The following GOLGA4 variants were observed in gnomAD, a reference collection of about 807,000 sequenced individuals.
GOLGA4 encodes the protein golgin subfamily A member 4.
A neutral mutation model predicts 265.9 loss-of-function variants in GOLGA4; 169 were observed. The observed-to-expected ratio is 0.64, with a 90% CI of 0.56 to 0.72. The LOEUF (loss-of-function observed/expected upper bound fraction) is 0.72, where lower values mean the gene tolerates loss of function less well. GOLGA4 is among the 30% of genes least tolerant of loss of function. The pLI, the probability that GOLGA4 is intolerant of heterozygous loss-of-function variation, is 0.00. For synonymous variants in GOLGA4, 923 were observed against 855.8 expected, an observed-to-expected ratio of 1.08 and a Z score of -1.37; for missense variants, 2,482 against 2,483.4, an observed-to-expected ratio of 1.00 and a Z score of 0.01.
At chr3:37,341,564 C>T (rs1235568811) in intron 20 of GOLGA4, 1 of 152,182 alleles carries the variant, frequency 6.6e-6, no homozygotes, top group African/African-American at 2.4e-5. Flanking sequence ...ATTTCCTATG[C>T]TCACTGCGGA....
intron 2 of GOLGA4, among the ~76,000 whole-genome samples, chr3:37,256,786 A>G (rs1001351187): frequency 6.6e-6 from 1 of 152,128 alleles, no homozygotes; most frequent in Non-Finnish European, 1.5e-5. Context: ...ACTAGGGCAA[A>G]TGAAGCTAAC....
chr3:37,329,559 G>A (rs1200929764), intron 16 of GOLGA4, among the ~76,000 whole-genome samples: 1 of 152,174 alleles, frequency 6.6e-6, no homozygotes, highest in Non-Finnish European at 1.5e-5. Context: ...AGTGTGTGGA[G>A]GTTGATTGGT....
At chr3:37,265,147 G>A (rs796674476) in intron 2 of GOLGA4, among the ~76,000 whole-genome samples, 2 of 150,962 alleles carry the variant, frequency 1.3e-5, no homozygotes, top group Non-Finnish European at 2.9e-5. Flanking sequence ...GTGTGTGTGT[G>A]TATAATTCTA....
intron 2 of GOLGA4, chr3:37,275,574 C>G: frequency 8.5e-7 from 1 of 1,173,130 alleles, no homozygotes; most frequent in East Asian, 2.4e-5. Context: ...GGCCTAGGCC[C>G]GGGCCTGCGG....
At chr3:37,243,725 A>G (rs2096709595) in intron 1 of GOLGA4, 103 bp downstream of exon 1, 4 of 923,146 alleles carry the variant, frequency 4.3e-6, no homozygotes, top group Non-Finnish European at 6.7e-6. Context: ...GTGACCTTTA[A>G]CCCCTAACCC....
At chr3:37,343,509 C>T (rs1430911130) in intron 20 of GOLGA4, among the ~76,000 whole-genome samples, 3 of 151,926 alleles carry the variant, frequency 2.0e-5, no homozygotes, top group Non-Finnish European at 2.9e-5. Context: ...AGCTGCTGCG[C>T]GCGGCCTGGC....
chr3:37,318,212 A>G (rs2096943390), intron 11 of GOLGA4, among the ~76,000 whole-genome samples: 3 of 152,004 alleles, frequency 2.0e-5, no homozygotes, highest in Admixed American at 6.6e-5. Context: ...CTGATATGCC[A>G]TATTATCTTT....
Position 37,289,218 on chromosome 3 carries a change from T to C in GOLGA4, c.526-17T>C, listed in dbSNP as rs774872874. On this transcript the variant is annotated splice_polypyrimidine_tract_variant and intron_variant, in intron 4 of 23. Coordinates refer to ENST00000361924, the MANE Select transcript of GOLGA4 (RefSeq NM_002078.5). ...AGTTAGCTGTTTAACCAGCTTTTTT[T>C]TCTCTCTCAATTAAAGGGTATATTA... The C allele has an allele frequency of 5.3e-5, 79 of 1,502,058 alleles. No homozygotes were observed. The Admixed American group carries it at 1.1e-3, about 21-fold the overall frequency. The allele number at this position is 1,502,058 out of a possible 1,614,324, so 93.0% of individuals were successfully genotyped here.
rs2097087862 is a variant in GOLGA4 at position 37,355,288 on chromosome 3, A to G, written c.6663+101A>G. 4.4e-6 allele frequency: 3 copies of G among 686,558 alleles called. No individual in the cohort carries two copies. In the Admixed American group the frequency reaches 7.0e-5, roughly 16 times the overall value. The allele number at this position is 686,558 out of a possible 1,614,324, so 42.5% of individuals were successfully genotyped here. A position where few individuals can be genotyped will look rare whatever the true frequency, so the allele number is the denominator to read the frequency against. On this transcript the variant is annotated intron_variant, in intron 22 of 23. Transcript: ENST00000361924. ...TTGAGTTGGTAAAATAAATTTTAAG[A>G]TTTCAAATCTTTATTATATCACAGC... is the stretch of plus-strand genomic sequence containing the variant.
Position 37,302,174 on chromosome 3 carries a change from C to T in GOLGA4, c.1087-11C>T, listed in dbSNP as rs2096894696. ...TTATGCAAATGTTTTAGAGTCTTCA[C>T]TTCTATTCAGGGAATGGTAATCGCA... On this transcript the variant is annotated splice_polypyrimidine_tract_variant and intron_variant, in intron 9 of 23. Transcript: ENST00000361924. The T allele has an allele frequency of 6.2e-7, 1 of 1,610,556 alleles. No homozygotes were observed. Among genetic ancestry groups the T allele is most frequent in the Non-Finnish European group, 8.5e-7 (1 of 1,177,200 alleles).
At position 37,326,892 on chromosome 3, in the gene GOLGA4, G is replaced by T. The variant is rs1486359697; in HGVS notation, c.5006G>T (p.Gly1669Val). ...GAGAAAGAAGAACAGTATAAAAAAG[G>T]TACAGAAAGCCATTTGAGTGAGCTA... ...MEEKEEQYKK[G>V]TESHLSELNT... The change falls in exon 14 of 24, where the codon GGT becomes GTT. Residue 1669 changes from glycine (G) to valine (V), a missense_variant. Around this residue, in one of 3 missense-constraint regions of GOLGA4, gnomAD observed 942 missense variants for 983.1 expected, o/e 0.96. Coordinates refer to ENST00000361924, the MANE Select transcript of GOLGA4 (RefSeq NM_002078.5). 6.2e-7 allele frequency: 1 copy of T among 1,613,584 alleles called. No individual in the cohort carries two copies. Among genetic ancestry groups the T allele is most frequent in the African/African-American group, 1.3e-5 (1 of 74,904 alleles).
chr3:37,281,019 A>T (rs903974546), intron 2 of GOLGA4, among the ~76,000 whole-genome samples: 2 of 152,116 alleles, frequency 1.3e-5, no homozygotes, highest in Non-Finnish European at 2.9e-5. Flanking sequence ...TCCCTGGAGT[A>T]TTTCACTCCT....
chr3:37,273,396 T>C, intron 2 of GOLGA4: 1 of 606,524 alleles, frequency 1.6e-6, no homozygotes, highest in Middle Eastern at 4.3e-4. Flanking sequence ...ATGAAAACAT[T>C]CTAATAAATG....
In GOLGA4 at chr3:37,323,865, AAG is replaced by A. The variant is rs763185829; in HGVS notation, c.1983_1984del (p.Glu661AspfsTer12). 1 of 1,612,126 alleles carries A rather than the reference AAG, an allele frequency of 6.2e-7. No individual in the cohort carries two copies. The highest frequency in any genetic ancestry group is 8.5e-7 in the Non-Finnish European group (1 of 1,179,650). On this transcript the variant is annotated frameshift_variant, in exon 14 of 24. Coordinates refer to ENST00000361924, the MANE Select transcript of GOLGA4 (RefSeq NM_002078.5). LOFTEE classifies it high-confidence loss of function. ...GAAAAAGAAACATTGTTGAAAGACA[AAG>A]AGATTATCTTCCAGGCCCACATAGA...
At chr3:37,312,155 A>G (rs897475575) in intron 10 of GOLGA4, among the ~76,000 whole-genome samples, 4 of 152,210 alleles carry the variant, frequency 2.6e-5, no homozygotes, top group Admixed American at 1.3e-4. Flanking sequence ...CTGAGATGCA[A>G]TTTTATATGC....
chr3:37,295,146 A>T, intron 6 of GOLGA4, 69 bp downstream of exon 6: 1 of 885,900 alleles, frequency 1.1e-6, no homozygotes, highest in Non-Finnish European at 1.8e-6. Context: ...TGATTTGGAT[A>T]TCTGCAAGGT....
intron 2 of GOLGA4, chr3:37,266,915 A>G (rs1189051730): frequency 7.8e-7 from 1 of 1,284,940 alleles, no homozygotes; most frequent in Non-Finnish European, 1.0e-6. Context: ...TCCTCCAAAC[A>G]TCCTAAAACA....
chr3:37,361,593 T>C lies in GOLGA4; in HGVS notation c.*33+288T>C, dbSNP rs1355100917. On this transcript the variant is annotated intron_variant, in intron 23 of 23. Transcript: ENST00000361924. ...GTTAAAGAATCCAAAAAAGTATTTA[T>C]GTAACTTATTTTCCCTTTTGTTTTT... 2.0e-5 allele frequency among the ~76,000 whole-genome samples: 3 copies of C among 152,248 alleles called. No individual in the cohort carries two copies. In the East Asian group the frequency reaches 5.8e-4, roughly 29 times the overall value.
intron 2 of GOLGA4, among the ~76,000 whole-genome samples, chr3:37,265,021 A>G (rs942512753): frequency 6.6e-6 from 1 of 152,162 alleles, no homozygotes; most frequent in African/African-American, 2.4e-5. Flanking sequence ...AACACCTTAT[A>G]TAACCATAGT....
Sources: allele counts gnomAD v4.1 joint callset (sites outside exome capture counted in the v4.1 genomes callset), GRCh38; gene constraint gnomAD v4.1.1; regional missense constraint gnomAD v4.1.1; transcripts MANE v1.5; gene names NCBI Gene and HGNC (gene_info 2026-07-23, HGNC 2026-07-21).